Variants in MRPS27 observed in about 807,000 individuals in gnomAD.
MRPS27 encodes mitochondrial ribosomal protein S27, also known as small ribosomal subunit protein mS27.
In MRPS27, 43 loss-of-function variants were observed where a neutral mutation model predicts 48.9. The observed-to-expected ratio is 0.88, with a 90% CI of 0.69 to 1.13. MRPS27 has a LOEUF of 1.13. MRPS27 is among the 50% of genes most tolerant of loss of function. The pLI is 0.00. For synonymous variants in MRPS27, 188 were observed against 171.9 expected (o/e 1.09, Z -0.73); for missense variants, 467 against 476.3 (o/e 0.98, Z 0.18).
Position 72,297,616 on chromosome 5 carries a change from G to T in MRPS27, c.222+16C>A. ...TTCCTTGTTCTTGGAAAATATATAT[G>T]TTAAAATTTTCTTACCCGTGATATT... On this transcript the variant is annotated intron_variant, in intron 3 of 10. Transcript: ENST00000261413. 6.6e-7 allele frequency: 1 copy of T among 1,513,548 alleles called. No individual in the cohort carries two copies. The highest frequency in any genetic ancestry group is 9.1e-7 in the Non-Finnish European group (1 of 1,097,660). The allele number at this position is 1,513,548 out of a possible 1,614,324, so 93.8% of individuals were successfully genotyped here.
chr5:72,311,342 G>A (rs1263603606), intron 2 of MRPS27, among the ~76,000 whole-genome samples: 1 of 151,824 alleles, frequency 6.6e-6, no homozygotes, highest in Non-Finnish European at 1.5e-5. Context: ...GGAGGAGAGA[G>A]AAAGCAAAAA....
At chr5:72,293,542 T>C (rs1333934232) in intron 4 of MRPS27, among the ~76,000 whole-genome samples, 1 of 152,200 alleles carries the variant, frequency 6.6e-6, no homozygotes, top group Non-Finnish European at 1.5e-5. Context: ...AAACTGAACA[T>C]CATGTGAAGA....
At chr5:72,300,687 T>A (rs996036585) in intron 2 of MRPS27, among the ~76,000 whole-genome samples, 1 of 152,206 alleles carries the variant, frequency 6.6e-6, no homozygotes, top group Non-Finnish European at 1.5e-5. Flanking sequence ...GGCTCTAGAT[T>A]TGAAAAATAA....
intron 5 of MRPS27, 54 bp from the exon 6 acceptor site, chr5:72,234,251 C>T (rs774091065): frequency 4.9e-5 from 65 of 1,326,954 alleles, no homozygotes; most frequent in Non-Finnish European, 6.2e-5. Flanking sequence ...CTAATTTAGT[C>T]TGTAATATAT....
intron 2 of MRPS27, among the ~76,000 whole-genome samples, chr5:72,311,175 T>C (rs528020358): frequency 3.8e-4 from 58 of 152,316 alleles, no homozygotes; most frequent in African/African-American, 1.4e-3. Context: ...TAAAGTATTA[T>C]ATTAATGTCA....
At chr5:72,237,810 T>C (rs1237053487) in intron 5 of MRPS27, among the ~76,000 whole-genome samples, 2 of 152,104 alleles carry the variant, frequency 1.3e-5, no homozygotes, top group Non-Finnish European at 2.9e-5. Flanking sequence ...AGTCACTACA[T>C]TTGGAAAAGT....
At chr5:72,319,697 C>T (rs1009249860) in intron 1 of MRPS27, among the ~76,000 whole-genome samples, 1 of 152,028 alleles carries the variant, frequency 6.6e-6, no homozygotes. Context: ...GCGCGCGCCA[C>T]CAGGCCCAGA....
At chr5:72,226,795 G>A (rs1413291310) in intron 8 of MRPS27, among the ~76,000 whole-genome samples, 1 of 152,068 alleles carries the variant, frequency 6.6e-6, no homozygotes, top group Non-Finnish European at 1.5e-5. Flanking sequence ...CTCTGGACAT[G>A]AATGTTTCTC....
intron 4 of MRPS27, among the ~76,000 whole-genome samples, chr5:72,272,478 T>G (rs1343815027): frequency 6.6e-6 from 1 of 152,236 alleles, no homozygotes; most frequent in East Asian, 1.9e-4. Context: ...AGTAAAAACC[T>G]TGGACACTGA....
At chr5:72,225,842 A>G (rs1747879325) in intron 9 of MRPS27, among the ~76,000 whole-genome samples, 1 of 151,500 alleles carries the variant, frequency 6.6e-6, no homozygotes, top group African/African-American at 2.4e-5. Flanking sequence ...TTTCCTAGAC[A>G]ATGAACTATA....
chr5:72,277,941 G>C (rs181388566), intron 4 of MRPS27, among the ~76,000 whole-genome samples: 3 of 152,254 alleles, frequency 2.0e-5, no homozygotes, highest in East Asian at 3.9e-4. Context: ...GTGAGATGAG[G>C]GGGTGGAGGA....
Position 72,226,083 on chromosome 5 carries a change from C to T in MRPS27, c.811G>A (p.Glu271Lys). 3.7e-6 allele frequency: 6 copies of T among 1,613,770 alleles called. No homozygotes were observed. The highest frequency in any genetic ancestry group is 1.3e-5 in the African/African-American group (1 of 75,018). The change falls in exon 9 of 11, where the codon GAA becomes AAA. Residue 271 changes from glutamate to lysine, a missense_variant. By Grantham distance (56) the Glu-to-Lys change is moderately conservative. Transcript: ENST00000261413. The stretch of plus-strand genomic sequence containing the variant: ...GCTTCTCTACACAGCTTTATGTCTT[C>T]TGGGGAGGCAGCCACTTTCTCCATC... ...QVMEKVAASP[E>K]DIKLCREALD...
chr5:72,289,314 A>C (rs1395946991), intron 4 of MRPS27, among the ~76,000 whole-genome samples: 1 of 152,246 alleles, frequency 6.6e-6, no homozygotes, highest in Non-Finnish European at 1.5e-5. Context: ...TATTCTGAGA[A>C]AAACTCATCT....
intron 2 of MRPS27, among the ~76,000 whole-genome samples, chr5:72,305,533 AAACAAACC>A (rs1161056178): frequency 6.6e-6 from 1 of 152,260 alleles, no homozygotes; most frequent in Non-Finnish European, 1.5e-5. Context: ...AACCAACAGA[AAACAAACC>A]AACAAACCAA....
At chr5:72,261,164 A>AT (rs1425575151) in intron 4 of MRPS27, among the ~76,000 whole-genome samples, 1 of 152,150 alleles carries the variant, frequency 6.6e-6, no homozygotes, top group Non-Finnish European at 1.5e-5. Context: ...CAACTGGCCA[A>AT]TCACTACATT....
chr5:72,225,256 C>A (rs1049600797), intron 9 of MRPS27, among the ~76,000 whole-genome samples: 9 of 152,174 alleles, frequency 5.9e-5, no homozygotes, highest in Non-Finnish European at 8.8e-5. Context: ...CCAGACCTGA[C>A]CACCTCAGGA....
At position 72,320,240 on chromosome 5, in the gene MRPS27, G is replaced by C; in HGVS notation, c.-19C>G. 1 of 1,613,870 alleles carries C rather than the reference G, an allele frequency of 6.2e-7. No individual in the cohort carries two copies. Among genetic ancestry groups the C allele is most frequent in the Non-Finnish European group, 8.5e-7 (1 of 1,179,852 alleles). On this transcript the variant is annotated 5_prime_UTR_variant, in exon 1 of 11. Coordinates refer to ENST00000261413, the MANE Select transcript of MRPS27 (RefSeq NM_015084.3). Reference sequence around the variant, plus strand: ...CAGCCATCTTGGAGCGTACCAAAAGGAACAGCCAACGGGTTACGGACAGAG... The same window carrying C: ...CAGCCATCTTGGAGCGTACCAAAAGCAACAGCCAACGGGTTACGGACAGAG...
At chr5:72,257,987 G>A (rs1748855816) in intron 4 of MRPS27, among the ~76,000 whole-genome samples, 1 of 151,082 alleles carries the variant, frequency 6.6e-6, no homozygotes, top group Non-Finnish European at 1.5e-5. Flanking sequence ...GGAAGGCTGA[G>A]CCATGAGAAT....
intron 4 of MRPS27, among the ~76,000 whole-genome samples, chr5:72,251,305 AG>A (rs1288784541): frequency 1.3e-5 from 2 of 152,182 alleles, no homozygotes; most frequent in Non-Finnish European, 2.9e-5. Context: ...TGGAAGGTGA[AG>A]GAAAGGGGAC....
Sources: allele counts gnomAD v4.1 joint callset (sites outside exome capture counted in the v4.1 genomes callset), GRCh38; gene constraint gnomAD v4.1.1; transcripts MANE v1.5; gene names NCBI Gene and HGNC (gene_info 2026-07-23, HGNC 2026-07-21).